DAB1: variants seen among roughly 807,000 people sequenced by gnomAD.
DAB1 encodes disabled homolog 1.
In DAB1, 15 loss-of-function variants were observed where a neutral mutation model predicts 64.6. The observed-to-expected ratio is 0.23, with a 90% confidence interval of 0.16 to 0.36. DAB1 has a LOEUF of 0.36. Ranked by LOEUF, DAB1 falls within the 10% of genes least tolerant of loss-of-function variation. The pLI is 1.00. For synonymous variants in DAB1, 235 were observed against 251.9 expected (o/e 0.93, Z 0.64); for missense variants, 596 against 706.7 (o/e 0.84, Z 1.78).
rs143039428 is a variant in DAB1 at position 57,015,149 on chromosome 1, G to A, written c.1178C>T (p.Thr393Met). The change falls in exon 12 of 15, where the codon ACG (threonine) becomes ATG (methionine). Residue 393 changes from threonine to methionine, a missense_variant. Transcript: ENST00000371236. ...TGGACTTGACCTGGTGGAGTCACTC[G>A]TGCCTGGGACGGTGGCAAGGGGGGT... ...PLTPLATVPGTSDSTRSSPQT... is the reference protein window; with the variant it reads ...PLTPLATVPGMSDSTRSSPQT... The A allele has an allele frequency of 4.4e-5, 71 of 1,614,062 alleles. No homozygotes were observed. The highest frequency in any genetic ancestry group is 2.0e-4 in the East Asian group (9 of 44,876).
intron 4 of DAB1, among the ~76,000 whole-genome samples, chr1:57,078,126 C>T (rs1434590416): frequency 1.3e-5 from 2 of 152,202 alleles, no homozygotes; most frequent in African/African-American, 4.8e-5. Flanking sequence ...GCAACCTCTG[C>T]ACCAGCCCCC....
At chr1:57,205,631 A>G (rs1665474986) in intron 2 of DAB1, among the ~76,000 whole-genome samples, 1 of 152,190 alleles carries the variant, frequency 6.6e-6, no homozygotes, top group Non-Finnish European at 1.5e-5. Flanking sequence ...TTTCATAACA[A>G]CCACACTAGG....
At chr1:57,277,287 C>T (rs1348265934) in intron 2 of DAB1, among the ~76,000 whole-genome samples, 7 of 152,194 alleles carry the variant, frequency 4.6e-5, no homozygotes, top group Non-Finnish European at 1.0e-4. Flanking sequence ...GATACTAAAT[C>T]TCTATGACTC....
At chr1:57,073,952 C>T (rs1222412157) in intron 4 of DAB1, among the ~76,000 whole-genome samples, 6 of 152,334 alleles carry the variant, frequency 3.9e-5, no homozygotes, top group East Asian at 1.9e-4. Context: ...TCTTGCCTCA[C>T]TGCAACCTTC....
intron 2 of DAB1, among the ~76,000 whole-genome samples, chr1:57,265,518 T>G (rs1670521171): frequency 1.3e-5 from 2 of 152,214 alleles, no homozygotes; most frequent in South Asian, 4.1e-4. Flanking sequence ...TGTCAGAGAT[T>G]AATGATTTCC....
intron 2 of DAB1, among the ~76,000 whole-genome samples, chr1:57,146,327 T>G (rs1055699200): frequency 2.0e-5 from 3 of 152,232 alleles, no homozygotes; most frequent in African/African-American, 7.2e-5. Flanking sequence ...ATTAACCTCA[T>G]CATACTTTGA....
At chr1:57,489,250 TAAAC>T (rs1644132084) in intron 7 of DAB1, among the ~76,000 whole-genome samples, 2 of 152,132 alleles carry the variant, frequency 1.3e-5, no homozygotes, top group South Asian at 4.2e-4. Context: ...GATTGCAAAA[TAAAC>T]AAAGAAACCA....
At chr1:57,053,202 G>A (rs963597432) in intron 9 of DAB1, among the ~76,000 whole-genome samples, 1 of 152,118 alleles carries the variant, frequency 6.6e-6, no homozygotes, top group Admixed American at 6.5e-5. Context: ...TTGGCGGGGG[G>A]TCTGATCATT....
chr1:57,946,654 G>T (rs1645188246), intron 5 of DAB1, among the ~76,000 whole-genome samples: 1 of 152,204 alleles, frequency 6.6e-6, no homozygotes. Context: ...GTTCACTGCA[G>T]TTCCTGCAAG....
chr1:57,563,196 AAC>A (rs1645073578), intron 7 of DAB1, among the ~76,000 whole-genome samples: 1 of 152,216 alleles, frequency 6.6e-6, no homozygotes, highest in Non-Finnish European at 1.5e-5. Flanking sequence ...TACCAGGTAC[AAC>A]CACATGACCA....
chr1:57,111,269 G>A (rs954838753), intron 4 of DAB1, among the ~76,000 whole-genome samples: 1 of 152,046 alleles, frequency 6.6e-6, no homozygotes, highest in South Asian at 2.1e-4. Flanking sequence ...TGTTCTAATG[G>A]GACAAAATAT....
intron 4 of DAB1, among the ~76,000 whole-genome samples, chr1:58,226,375 C>G (rs904476169): frequency 6.6e-6 from 1 of 151,360 alleles, no homozygotes; most frequent in Non-Finnish European, 1.5e-5. Flanking sequence ...GTAGACATTA[C>G]TATCCCATCT....
intron 4 of DAB1, among the ~76,000 whole-genome samples, chr1:58,237,453 T>C (rs965305199): frequency 8.5e-5 from 13 of 152,094 alleles, no homozygotes; most frequent in Non-Finnish European, 1.5e-4. Context: ...TTCCAGGCAA[T>C]CCCTTGGAAA....
At chr1:58,071,986 GT>G (rs1367307045) in intron 5 of DAB1, among the ~76,000 whole-genome samples, 1 of 143,600 alleles carries the variant, frequency 7.0e-6, no homozygotes, top group African/African-American at 2.6e-5. Flanking sequence ...ACATGCAAAA[GT>G]TAAAAGGTAA....
At chr1:57,114,365 T>C (rs1655926474) in intron 4 of DAB1, among the ~76,000 whole-genome samples, 1 of 152,166 alleles carries the variant, frequency 6.6e-6, no homozygotes, top group African/African-American at 2.4e-5. Flanking sequence ...TTTAATAGAT[T>C]CACTTAAAAG....
At chr1:58,355,723 A>G (rs1010413203) in intron 3 of DAB1, among the ~76,000 whole-genome samples, 1 of 152,112 alleles carries the variant, frequency 6.6e-6, no homozygotes, top group Non-Finnish European at 1.5e-5. Flanking sequence ...TAGAAATCGT[A>G]TGGGATAAAC....
chr1:57,198,540 C>A (rs776578782), intron 2 of DAB1, among the ~76,000 whole-genome samples: 1 of 151,866 alleles, frequency 6.6e-6, no homozygotes, highest in Admixed American at 6.6e-5. Flanking sequence ...ATCACCAAAC[C>A]TTTTCCCTTT....
intron 6 of DAB1, among the ~76,000 whole-genome samples, chr1:57,703,438 T>C (rs1013569613): frequency 2.0e-5 from 3 of 152,038 alleles, no homozygotes; most frequent in Non-Finnish European, 4.4e-5. Flanking sequence ...GGAAAGAAGC[T>C]CAGAATCACA....
At chr1:57,825,931 G>A (rs1054423213), downstream of DAB1, 3 of 152,104 alleles carry the variant, frequency 2.0e-5, no homozygotes, top group Admixed American at 2.0e-4. Flanking sequence ...GAATAATTTT[G>A]CATGCTCATC....
Sources: gnomAD v4.1 joint callset for allele counts (sites outside exome capture counted in the v4.1 genomes callset) on GRCh38, gnomAD v4.1.1 for gene constraint, MANE v1.5 for transcripts, NCBI Gene and HGNC (gene_info 2026-07-23, HGNC 2026-07-21) for gene names.